The following SMCO4 variants were observed in gnomAD, a reference collection of about 807,000 sequenced individuals.
SMCO4 encodes single-pass membrane and coiled-coil domain-containing protein 4.
A neutral mutation model predicts 3.6 loss-of-function variants in SMCO4; 4 were observed. The ratio of observed to expected loss-of-function variants is 1.11; its 90% CI spans 0.54 to 2.53. SMCO4 has a LOEUF of 2.53. SMCO4 is among the 30% of genes most tolerant of loss of function. The probability of loss-of-function intolerance (pLI) is 0.02; values close to 1 mark genes in which losing one functional copy is unlikely to be tolerated. For synonymous variants in SMCO4, 36 were observed against 35.3 expected, an observed-to-expected ratio of 1.02 and a Z score of -0.07; for missense variants, 70 against 80.8, an observed-to-expected ratio of 0.87 and a Z score of 0.51.
upstream of SMCO4, among the ~76,000 whole-genome samples, chr11:93,545,103 T>C (rs929809572): frequency 7.9e-5 from 12 of 152,182 alleles, no homozygotes; most frequent in African/African-American, 2.9e-4. Flanking sequence ...TGTGAATTGC[T>C]TTAATTCATT....
intron 1 of SMCO4, among the ~76,000 whole-genome samples, chr11:93,534,241 CACACACACACACACACACACAA>C (rs1949193034): frequency 3.5e-5 from 1 of 28,568 alleles, no homozygotes; most frequent in Non-Finnish European, 8.4e-5. Flanking sequence ...CACACACACA[CACACACACACACACACACACAA>C]ACACATATAT....
At chr11:93,497,432 C>T (rs553448141) in intron 2 of SMCO4, among the ~76,000 whole-genome samples, 10 of 152,072 alleles carry the variant, frequency 6.6e-5, no homozygotes, top group Non-Finnish European at 1.3e-4. Context: ...TTTAAATTAG[C>T]CTTAACAAAA....
intron 1 of SMCO4, among the ~76,000 whole-genome samples, chr11:93,503,253 G>T (rs911526437): frequency 6.6e-6 from 1 of 152,166 alleles, no homozygotes; most frequent in Non-Finnish European, 1.5e-5. Flanking sequence ...AAGGCAAAAG[G>T]CATGTCTTAC....
the SMCO4 span, among the ~76,000 whole-genome samples, chr11:93,550,960 T>C: frequency 5.4e-3 from 818 of 152,350 alleles, 4 homozygotes; most frequent in Admixed American, 0.01. Flanking sequence ...CTATCAACTA[T>C]GTCTTTTTCC....
chr11:93,542,117 A>AG (rs988734182), intron 1 of SMCO4, among the ~76,000 whole-genome samples: 7 of 151,108 alleles, frequency 4.6e-5, no homozygotes, highest in African/African-American at 1.7e-4. Context: ...TAAAGGGGAA[A>AG]AAAAAAAAGC....
At chr11:93,508,388 A>G (rs1948927365) in intron 1 of SMCO4, among the ~76,000 whole-genome samples, 1 of 152,260 alleles carries the variant, frequency 6.6e-6, no homozygotes, top group Admixed American at 6.5e-5. Flanking sequence ...TATGATTCTG[A>G]AAACAAGTAA....
chr11:93,536,451 G>A (rs1470945548), intron 1 of SMCO4, among the ~76,000 whole-genome samples: 1 of 152,164 alleles, frequency 6.6e-6, no homozygotes, highest in Non-Finnish European at 1.5e-5. Context: ...AAAATATTTT[G>A]TAGGCAAATA....
chr11:93,521,765 G>A (rs2134621435), intron 1 of SMCO4, among the ~76,000 whole-genome samples: 1 of 152,302 alleles, frequency 6.6e-6, no homozygotes, highest in East Asian at 1.9e-4. Context: ...CAACCAATCA[G>A]CTAAGTACTC....
chr11:93,511,591 T>G (rs752680946), intron 1 of SMCO4, among the ~76,000 whole-genome samples: 1 of 152,156 alleles, frequency 6.6e-6, no homozygotes, highest in Non-Finnish European at 1.5e-5. Context: ...CACTTATGTG[T>G]CTAATGGTCC....
the SMCO4 span, among the ~76,000 whole-genome samples, chr11:93,552,442 G>GTTA: frequency 0.2 from 25,642 of 129,846 alleles, 2,726 homozygotes; most frequent in South Asian, 0.25. Flanking sequence ...GCCCAGCCAC[G>GTTA]TTATTATTAT....
At chr11:93,484,029 G>A (rs542585911) in intron 2 of SMCO4, among the ~76,000 whole-genome samples, 2 of 152,164 alleles carry the variant, frequency 1.3e-5, no homozygotes, top group Non-Finnish European at 2.9e-5. Flanking sequence ...AGTGCCCCAC[G>A]GCCTCTAGCT....
At position 93,479,090 on chromosome 11, in the gene SMCO4, C is replaced by G; in HGVS notation, c.100G>C (p.Val34Leu). 4 of 1,614,092 alleles carry G rather than the reference C, an allele frequency of 2.5e-6. No homozygotes were observed. Among genetic ancestry groups the G allele is most frequent in the Non-Finnish European group, 3.4e-6 (4 of 1,180,040 alleles). Reference sequence around the variant, plus strand: ...ACGACCACGGCCAGCGTGGGCAGCACCACTGTAGTGATCTGCTGCCGGGCC... The same window carrying G: ...ACGACCACGGCCAGCGTGGGCAGCAGCACTGTAGTGATCTGCTGCCGGGCC... ...QEARQQITTVVLPTLAVVVLL... is the reference protein window; with the variant it reads ...QEARQQITTVLLPTLAVVVLL... Residue 34 changes from valine (V) to leucine (L), a missense_variant, in exon 3 of 3, where the codon GTG becomes CTG. Val to Leu is a conservative substitution (Grantham distance 32). Transcript: ENST00000298966.
chr11:93,542,981 C>T (rs1949283452), intron 1 of SMCO4, among the ~76,000 whole-genome samples: 1 of 151,972 alleles, frequency 6.6e-6, no homozygotes, highest in African/African-American at 2.4e-5. Flanking sequence ...TCGCGGTCCG[C>T]CCCAACTTTT....
chr11:93,481,660 G>T, intron 2 of SMCO4: 1 of 262,530 alleles, frequency 3.8e-6, no homozygotes, highest in Non-Finnish European at 5.9e-6. Flanking sequence ...ATACCCCATG[G>T]CTTCTAACAG....
intron 1 of SMCO4, among the ~76,000 whole-genome samples, chr11:93,534,229 CACACACACACACACACACACACA>C (rs1365240844): frequency 2.6e-4 from 2 of 7,822 alleles, no homozygotes; most frequent in Non-Finnish European, 5.6e-4. Context: ...CACACACACA[CACACACACACACACACACACACA>C]CACACACACA....
intron 1 of SMCO4, among the ~76,000 whole-genome samples, chr11:93,525,467 T>C (rs547282626): frequency 2.4e-4 from 36 of 152,164 alleles, no homozygotes; most frequent in Non-Finnish European, 4.4e-4. Flanking sequence ...AAAAGTTCCA[T>C]AGAGTTAGTG....
intron 1 of SMCO4, among the ~76,000 whole-genome samples, chr11:93,536,344 A>AG (rs1949224821): frequency 6.6e-6 from 1 of 152,224 alleles, no homozygotes; most frequent in Admixed American, 6.5e-5. Flanking sequence ...GTGCATACTA[A>AG]TATGTATGAA....
At chr11:93,487,208 C>T (rs1948660451) in intron 2 of SMCO4, among the ~76,000 whole-genome samples, 1 of 152,202 alleles carries the variant, frequency 6.6e-6, no homozygotes, top group Non-Finnish European at 1.5e-5. Context: ...CCTGTGATCA[C>T]TTCACTCCAG....
At chr11:93,533,692 T>C (rs913548714) in intron 1 of SMCO4, among the ~76,000 whole-genome samples, 3 of 152,086 alleles carry the variant, frequency 2.0e-5, no homozygotes, top group Non-Finnish European at 2.9e-5. Context: ...AGCAATGGTA[T>C]TGGAAGAGAA....
Sources: gnomAD v4.1 joint callset for allele counts (sites outside exome capture counted in the v4.1 genomes callset) on GRCh38, gnomAD v4.1.1 for gene constraint, MANE v1.5 for transcripts, NCBI Gene and HGNC (gene_info 2026-07-23, HGNC 2026-07-21) for gene names.